NRCAM: variants seen among roughly 807,000 people sequenced by gnomAD.
NRCAM encodes the protein neuronal cell adhesion molecule.
A neutral mutation model predicts 156.5 loss-of-function variants in NRCAM; 83 were observed. The ratio of observed to expected loss-of-function variants is 0.53; its 90% CI spans 0.44 to 0.64. The LOEUF (loss-of-function observed/expected upper bound fraction) is 0.64, where lower values mean the gene tolerates loss of function less well. NRCAM is among the 30% of genes least tolerant of loss of function. The pLI, the probability that NRCAM is intolerant of heterozygous loss-of-function variation, is 0.00. For synonymous variants in NRCAM, 538 were observed against 563.9 expected (o/e 0.95, Z 0.65); for missense variants, 1,417 against 1,597.3 (o/e 0.89, Z 1.92).
At position 108,166,965 on chromosome 7, in the gene NRCAM, T is replaced by TC. The variant is rs1181615879; in HGVS notation, c.3421dup (p.Asp1141GlyfsTer12). On this transcript the variant is annotated frameshift_variant, in exon 30 of 33. Transcript: ENST00000379028. LOFTEE classifies it high-confidence loss of function. ...ATCCTCTGAACTCACAAAACCAGAG[T>TC]CCCCCACAGCACCAACTCGAACTTT... The TC allele has an allele frequency of 1.2e-6, 2 of 1,613,732 alleles. No homozygotes were observed. The highest frequency in any genetic ancestry group is 1.7e-5 in the Admixed American group (1 of 59,996).
At chr7:108,335,441 T>TTTTTTTTTTTTTTTTTC (rs2099171140) in intron 2 of NRCAM, among the ~76,000 whole-genome samples, 1 of 141,228 alleles carries the variant, frequency 7.1e-6, no homozygotes, top group Non-Finnish European at 1.5e-5. Flanking sequence ...CTGCTTTTTT[T>TTTTTTTTTTTTTTTTTC]TTTTTTTTTT....
At chr7:108,451,437 C>T (rs1850272742) in intron 1 of NRCAM, among the ~76,000 whole-genome samples, 1 of 152,030 alleles carries the variant, frequency 6.6e-6, no homozygotes, top group Admixed American at 6.6e-5. Context: ...ACCATATGAT[C>T]TAGCAGTCTC....
At chr7:108,302,069 C>T (rs1391136618) in intron 3 of NRCAM, among the ~76,000 whole-genome samples, 5 of 150,816 alleles carry the variant, frequency 3.3e-5, no homozygotes, top group Non-Finnish European at 7.4e-5. Flanking sequence ...AAAAAACCCA[C>T]AACAAATCAA....
intron 17 of NRCAM, 129 bp from the exon 18 acceptor site, chr7:108,191,982 G>C: frequency 1.0e-6 from 1 of 960,046 alleles, no homozygotes; most frequent in Non-Finnish European, 1.5e-6. Flanking sequence ...AAAAGTTAGA[G>C]CAAAATACAT....
intron 1 of NRCAM, among the ~76,000 whole-genome samples, chr7:108,449,952 C>T (rs1413857658): frequency 2.0e-5 from 3 of 151,322 alleles, no homozygotes; most frequent in Admixed American, 2.0e-4. Context: ...ACACACTATG[C>T]ACATAATAAA....
At chr7:108,235,696 T>C (rs1265723832) in intron 5 of NRCAM, among the ~76,000 whole-genome samples, 1 of 152,066 alleles carries the variant, frequency 6.6e-6, no homozygotes, top group Non-Finnish European at 1.5e-5. Flanking sequence ...TTTGGCCATA[T>C]CTGGAGGCCA....
chr7:108,201,635 A>G (rs1046277061), intron 13 of NRCAM, among the ~76,000 whole-genome samples: 2 of 152,202 alleles, frequency 1.3e-5, no homozygotes, highest in South Asian at 4.1e-4. Context: ...AAGCTCAACA[A>G]TGTCAGTAGG....
intron 1 of NRCAM, among the ~76,000 whole-genome samples, chr7:108,438,154 G>A (rs530431694): frequency 8.6e-5 from 13 of 152,032 alleles, no homozygotes; most frequent in African/African-American, 1.4e-4. Flanking sequence ...AAACAGAAGC[G>A]AGAACACTTC....
chr7:108,228,268 G>C (rs1019093288), intron 8 of NRCAM, among the ~76,000 whole-genome samples: 2 of 152,058 alleles, frequency 1.3e-5, no homozygotes, highest in African/African-American at 4.8e-5. Flanking sequence ...GCTGCAGTGA[G>C]CTGAGATTGT....
At chr7:108,166,248 CTTTTTTT>C (rs1034778488) in intron 30 of NRCAM, among the ~76,000 whole-genome samples, 6 of 130,072 alleles carry the variant, frequency 4.6e-5, no homozygotes, top group East Asian at 2.2e-4. Context: ...TCTTTCTTTT[CTTTTTTT>C]TTTTTTTTTT....
intron 8 of NRCAM, among the ~76,000 whole-genome samples, chr7:108,226,650 C>G (rs550821998): frequency 6.6e-6 from 1 of 151,896 alleles, no homozygotes; most frequent in Non-Finnish European, 1.5e-5. Context: ...TTTTTTTAAG[C>G]AAAAGTGAAC....
At chr7:108,397,873 AG>A (rs1187775690) in intron 2 of NRCAM, among the ~76,000 whole-genome samples, 1 of 152,186 alleles carries the variant, frequency 6.6e-6, no homozygotes, top group Admixed American at 6.5e-5. Flanking sequence ...GTCTCTAGGA[AG>A]AAAAATCCTA....
At chr7:108,160,561 G>A (rs1036427022) in intron 30 of NRCAM, 69 bp from the exon 31 acceptor site, 17 of 1,467,780 alleles carry the variant, frequency 1.2e-5, no homozygotes, top group Admixed American at 4.8e-5. Context: ...CAGTCTCTCA[G>A]AGTAAAAAAT....
chr7:108,380,099 A>G (rs1174199535), intron 2 of NRCAM, among the ~76,000 whole-genome samples: 1 of 152,216 alleles, frequency 6.6e-6, no homozygotes, highest in African/African-American at 2.4e-5. Context: ...TTACAGCAGT[A>G]TCTCCTGTAA....
intron 3 of NRCAM, among the ~76,000 whole-genome samples, chr7:108,281,374 G>A (rs985480870): frequency 3.3e-5 from 5 of 152,230 alleles, no homozygotes; most frequent in South Asian, 2.1e-4. Flanking sequence ...AAAAAGTTCC[G>A]TGTATAGTAG....
chr7:108,353,825 C>T (rs2099452601), intron 2 of NRCAM, among the ~76,000 whole-genome samples: 1 of 152,234 alleles, frequency 6.6e-6, no homozygotes, highest in Non-Finnish European at 1.5e-5. Context: ...ACTTTACAAG[C>T]AATGTTGCTT....
chr7:108,452,272 A>G (rs985344923), intron 1 of NRCAM, among the ~76,000 whole-genome samples: 1 of 152,240 alleles, frequency 6.6e-6, no homozygotes, highest in African/African-American at 2.4e-5. Flanking sequence ...ACACAAATTA[A>G]CTGTGTGAGG....
At chr7:108,261,076 G>C (rs745786176) in intron 3 of NRCAM, among the ~76,000 whole-genome samples, 1 of 152,140 alleles carries the variant, frequency 6.6e-6, no homozygotes, top group African/African-American at 2.4e-5. Context: ...ATGGTGGACA[G>C]AAAGGGGCTG....
At chr7:108,442,120 A>C (rs1270955677) in intron 1 of NRCAM, among the ~76,000 whole-genome samples, 1 of 152,204 alleles carries the variant, frequency 6.6e-6, no homozygotes, top group Non-Finnish European at 1.5e-5. Context: ...ATACAGTAAT[A>C]CCTTGGGATC....
Sources: gnomAD v4.1 joint callset for allele counts (sites outside exome capture counted in the v4.1 genomes callset) on GRCh38, gnomAD v4.1.1 for gene constraint, MANE v1.5 for transcripts, NCBI Gene and HGNC (gene_info 2026-07-23, HGNC 2026-07-21) for gene names.